VPS13D: variants seen among roughly 807,000 people sequenced by gnomAD.
The protein encoded by VPS13D is vacuolar protein sorting 13 homolog D.
In VPS13D, 187 loss-of-function variants were observed where a neutral mutation model predicts 461.9. The observed-to-expected ratio is 0.40, with a 90% confidence interval of 0.36 to 0.46. The LOEUF (loss-of-function observed/expected upper bound fraction) is 0.46, where lower values mean the gene tolerates loss of function less well. Ranked by LOEUF, VPS13D falls within the 20% of genes least tolerant of loss-of-function variation. The probability of loss-of-function intolerance (pLI) is 0.60; values close to 1 mark genes in which losing one functional copy is unlikely to be tolerated. For synonymous variants in VPS13D, 1,951 were observed against 1,986.3 expected (o/e 0.98, Z 0.47); for missense variants, 4,711 against 5,364.9 (o/e 0.88, Z 3.81).
intron 67 of VPS13D, among the ~76,000 whole-genome samples, chr1:12,475,531 C>T (rs1306123046): frequency 2.0e-4 from 30 of 152,254 alleles, no homozygotes; most frequent in Admixed American, 2.0e-3. Flanking sequence ...GGTTAATCTG[C>T]AGCTGTAGTG....
intron 65 of VPS13D, among the ~76,000 whole-genome samples, chr1:12,441,186 C>G (rs1210411320): frequency 6.6e-6 from 1 of 152,158 alleles, no homozygotes; most frequent in Non-Finnish European, 1.5e-5. Context: ...CTCAACCTCC[C>G]AAAGTGCTGG....
intron 32 of VPS13D, among the ~76,000 whole-genome samples, chr1:12,319,864 T>TA (rs1642988556): frequency 6.6e-6 from 1 of 152,254 alleles, no homozygotes; most frequent in African/African-American, 2.4e-5. Context: ...CTCTTTCTCT[T>TA]ACACCCTTTC....
chr1:12,409,174 AT>A (rs1396649987), intron 63 of VPS13D, among the ~76,000 whole-genome samples: 9 of 151,080 alleles, frequency 6.0e-5, no homozygotes, highest in Middle Eastern at 6.9e-3. Context: ...TTTGAATCTA[AT>A]TTTTTTTTGA....
intron 51 of VPS13D, 26 bp from the exon 52 acceptor site, chr1:12,363,046 A>T: frequency 6.2e-7 from 1 of 1,611,926 alleles, no homozygotes; most frequent in Non-Finnish European, 8.5e-7. Context: ...CTTGTTGACT[A>T]AAGCCTGTGA....
Position 12,400,311 on chromosome 1 carries a change from C to T in VPS13D, c.11765C>T (p.Ala3922Val). Residue 3922 changes from alanine to valine, a missense_variant, in exon 61 of 70, where the codon GCA becomes GTA. Transcript: ENST00000620676. ...VNAVKFPSKS[A>V]LTNIYKHLMI... Reference sequence around the variant, plus strand: ...GCAGTGAAGTTCCCCAGTAAGAGTGCACTGACCAACATCTACAAGGTGGGC... The same window carrying T: ...GCAGTGAAGTTCCCCAGTAAGAGTGTACTGACCAACATCTACAAGGTGGGC... The T allele has an allele frequency of 6.2e-7, 1 of 1,614,128 alleles. No individual in the cohort carries two copies. The highest frequency in any genetic ancestry group is 8.5e-7 in the Non-Finnish European group (1 of 1,180,014).
intron 33 of VPS13D, 124 bp from the exon 34 acceptor site, chr1:12,322,412 T>A: frequency 1.1e-6 from 1 of 924,072 alleles, no homozygotes; most frequent in Non-Finnish European, 1.6e-6. Context: ...ATCTTTTAAA[T>A]GAGAAATTTG....
chr1:12,504,246 T>A (rs115279910), intron 68 of VPS13D, among the ~76,000 whole-genome samples: 348 of 152,304 alleles, frequency 2.3e-3, no homozygotes, highest in Non-Finnish European at 3.7e-3. Flanking sequence ...AGGAGGATGA[T>A]GGGGACAGAG....
rs751593712 is a variant in VPS13D, at chr1:12,277,413, T to C, written c.3825T>C (p.Val1275=). ...CTGAAGCTTTGAGTTTCACGTTTGT[T>C]GAGAGATCTAAACAGGAGTGTTTTC... ...ALTEALSFTF[V]ERSKQECFLN... The change falls in exon 19 of 70, where the codon GTT becomes GTC. Residue 1275 remains valine, a synonymous_variant. Transcript: ENST00000620676. The C allele has an allele frequency of 1.3e-4, 209 of 1,614,080 alleles. 2 individuals are homozygous for C. The East Asian group carries it at 4.6e-3, about 35-fold the overall frequency.
intron 60 of VPS13D, among the ~76,000 whole-genome samples, chr1:12,396,448 A>G (rs781301190): frequency 1.3e-5 from 2 of 152,184 alleles, no homozygotes; most frequent in Non-Finnish European, 2.9e-5. Flanking sequence ...TTAGTGTGCT[A>G]TCAGAACAAC....
chr1:12,365,131 C>T (rs1644016134), intron 52 of VPS13D, among the ~76,000 whole-genome samples: 1 of 152,128 alleles, frequency 6.6e-6, no homozygotes, highest in African/African-American at 2.4e-5. Context: ...TGTCTTTATG[C>T]CAGTACCACC....
intron 44 of VPS13D, 93 bp downstream of exon 44, chr1:12,346,745 C>G: frequency 8.1e-7 from 1 of 1,239,232 alleles, no homozygotes; most frequent in African/African-American, 1.5e-5. Flanking sequence ...ATCAGAGAAA[C>G]TTTATGACAT....
intron 67 of VPS13D, among the ~76,000 whole-genome samples, chr1:12,463,597 A>C (rs1045012767): frequency 6.6e-6 from 1 of 151,984 alleles, no homozygotes; most frequent in African/African-American, 2.4e-5. Context: ...AAAAAAAAAA[A>C]CAAACCTGGA....
chr1:12,293,590 T>G lies in VPS13D; in HGVS notation c.5919T>G (p.Ser1973=), dbSNP rs772323403. 1.9e-6 allele frequency: 3 copies of G among 1,614,196 alleles called. No individual in the cohort carries two copies. The highest frequency in any genetic ancestry group is 2.7e-5 in the African/African-American group (2 of 75,062). ...TTCGCGTGAGCCTCCGGATGGCCTC[T>G]GTGCAGTATGTGCATACTCAGCGTT... ...HDIRVSLRMA[S]VQYVHTQRFQ... is the part of the protein sequence containing the mutation. The change falls in exon 24 of 70, where the codon TCT becomes TCG. Residue 1973 remains serine, a synonymous_variant. Transcript: ENST00000620676.
At chr1:12,400,596 A>G (rs760457752) in intron 61 of VPS13D, among the ~76,000 whole-genome samples, 1 of 152,144 alleles carries the variant, frequency 6.6e-6, no homozygotes, top group Non-Finnish European at 1.5e-5. Context: ...AAGTCACTGT[A>G]GGAAAGTATA....
intron 65 of VPS13D, among the ~76,000 whole-genome samples, chr1:12,423,548 T>C (rs150534447): frequency 2.3e-3 from 350 of 152,254 alleles, no homozygotes; most frequent in African/African-American, 7.7e-3. Context: ...CAGTAGAAAA[T>C]CTAGCTAGGA....
At chr1:12,294,567 C>G (rs1642221358) in intron 24 of VPS13D, among the ~76,000 whole-genome samples, 1 of 152,040 alleles carries the variant, frequency 6.6e-6, no homozygotes, top group African/African-American at 2.4e-5. Context: ...TAAATCCTAG[C>G]ACTTTGGGAG....
chr1:12,418,918 C>T lies in VPS13D; in HGVS notation c.12333+2091C>T, dbSNP rs533703421. Among the ~76,000 whole-genome samples, 23 of 152,322 alleles carry T rather than the reference C, an allele frequency of 1.5e-4. 1 individual carries two copies. The South Asian group carries it at 4.6e-3, about 30-fold the overall frequency. On this transcript the variant is annotated intron_variant, in intron 65 of 69. Coordinates refer to ENST00000620676, the MANE Select transcript of VPS13D (RefSeq NM_015378.4). ...GAAGAAGCTGTTCAAGTGCCTGTGA[C>T]ATCTCAACAGGAGAGACCTCCTAGG...
intron 60 of VPS13D, among the ~76,000 whole-genome samples, chr1:12,396,659 C>T (rs1387668128): frequency 6.6e-6 from 1 of 152,170 alleles, no homozygotes; most frequent in Non-Finnish European, 1.5e-5. Flanking sequence ...GACTGGGGCT[C>T]CTTCTCTCCC....
intron 60 of VPS13D, among the ~76,000 whole-genome samples, chr1:12,389,406 A>G (rs1289632092): frequency 6.6e-6 from 1 of 152,226 alleles, no homozygotes; most frequent in Non-Finnish European, 1.5e-5. Flanking sequence ...AATTACACCT[A>G]ACATAATACA....
Sources: allele counts gnomAD v4.1 joint callset (sites outside exome capture counted in the v4.1 genomes callset), GRCh38; gene constraint gnomAD v4.1.1; transcripts MANE v1.5; gene names NCBI Gene and HGNC (gene_info 2026-07-23, HGNC 2026-07-21).